The following TRERF1 variants were observed in gnomAD, a reference collection of about 807,000 sequenced individuals.
TRERF1 encodes the protein transcriptional regulating factor 1.
In TRERF1, 27 loss-of-function variants were observed where a neutral mutation model predicts 122.9. The observed-to-expected ratio is 0.22, with a 90% CI of 0.16 to 0.30. The LOEUF (loss-of-function observed/expected upper bound fraction) is 0.30. TRERF1 is among the 10% of genes least tolerant of loss of function. TRERF1 has a pLI of 1.00. For missense variants in TRERF1, 1,248 were observed against 1,560.3 expected, an observed-to-expected ratio of 0.80 and a Z score of 3.37; for synonymous variants, 636 against 641.7, an observed-to-expected ratio of 0.99 and a Z score of 0.13.
rs1425387319 is a variant in TRERF1, at chr6:42,444,178, C to T, written c.-454+6999G>A. Among the ~76,000 whole-genome samples the T allele has an allele frequency of 1.1e-4, 15 of 133,854 alleles. No homozygotes were observed. The South Asian group carries it at 3.7e-3, about 33-fold the overall frequency. 87.8% of individuals were successfully genotyped at this position (133,854 alleles called of 152,430 possible). On this transcript the variant is annotated intron_variant, in intron 2 of 17. Transcript: ENST00000372922. Reference sequence around the variant, plus strand: ...CAACCTAAACAACAGGCAGCCTTTGCTTTTTTTTTTTTTTTGCTTTTTTTT... The same window carrying T: ...CAACCTAAACAACAGGCAGCCTTTGTTTTTTTTTTTTTTTTGCTTTTTTTT...
chr6:42,402,670 G>A (rs4714605), intron 2 of TRERF1, among the ~76,000 whole-genome samples: 127,332 of 152,116 alleles, frequency 0.84, 55,026 homozygotes, highest in Non-Finnish European at 0.95. Context: ...ATCAAGCTAA[G>A]TCTCCCCATG....
chr6:42,293,653 A>G (rs116095374), intron 4 of TRERF1, among the ~76,000 whole-genome samples: 114 of 151,974 alleles, frequency 7.5e-4, no homozygotes, highest in African/African-American at 2.7e-3. Context: ...CCGTGAACAC[A>G]GATTATCTCC....
At chr6:42,304,298 C>CT (rs1249490331) in intron 3 of TRERF1, among the ~76,000 whole-genome samples, 7 of 152,226 alleles carry the variant, frequency 4.6e-5, no homozygotes, top group Non-Finnish European at 1.0e-4. Context: ...CTAGGCTCTG[C>CT]CCCTCACTAG....
intron 2 of TRERF1, among the ~76,000 whole-genome samples, chr6:42,425,359 C>CCA (rs1783463319): frequency 2.0e-5 from 3 of 147,574 alleles, no homozygotes; most frequent in African/African-American, 7.5e-5. Flanking sequence ...CAGCCCCCAA[C>CCA]CAACCCCCTA....
chr6:42,322,967 G>A (rs1763689126), intron 3 of TRERF1, among the ~76,000 whole-genome samples: 1 of 151,974 alleles, frequency 6.6e-6, no homozygotes, highest in African/African-American at 2.4e-5. Flanking sequence ...CAGCAGGGCA[G>A]AGAATGGCAC....
At chr6:42,311,760 C>G (rs1305321337) in intron 3 of TRERF1, among the ~76,000 whole-genome samples, 1 of 124,412 alleles carries the variant, frequency 8.0e-6, no homozygotes, top group African/African-American at 3.2e-5. Context: ...AGCAAGACTC[C>G]GTCTCAAAAA....
chr6:42,332,961 T>C (rs1765495245), intron 3 of TRERF1, among the ~76,000 whole-genome samples: 1 of 152,082 alleles, frequency 6.6e-6, no homozygotes, highest in Non-Finnish European at 1.5e-5. Flanking sequence ...AAAAATTATA[T>C]AGGGAGCTCC....
chr6:42,357,040 C>T (rs1411597872), intron 3 of TRERF1, among the ~76,000 whole-genome samples: 1 of 152,024 alleles, frequency 6.6e-6, no homozygotes, highest in African/African-American at 2.4e-5. Context: ...CAAATTAAGA[C>T]CCAATGTTGG....
intron 2 of TRERF1, among the ~76,000 whole-genome samples, chr6:42,423,516 C>T (rs948236397): frequency 1.3e-5 from 2 of 152,066 alleles, no homozygotes; most frequent in South Asian, 2.1e-4. Flanking sequence ...TGGCTGCAAA[C>T]GCAGCCTTTC....
At position 42,263,305 on chromosome 6, in the gene TRERF1, G is replaced by C. The variant is rs1345166301; in HGVS notation, c.1884+15C>G. ...CCCCTTGGGGTGAGTGTGGGGGAGA[G>C]AGGGTCATCCTCACGAGCACAGGCA... On this transcript the variant is annotated intron_variant, in intron 8 of 17. Transcript: ENST00000372922. The surrounding 1 kb of genome is among the most constrained non-coding windows in gnomAD (Gnocchi z 5.6). The C allele has an allele frequency of 1.2e-6, 2 of 1,604,846 alleles. No individual in the cohort carries two copies. Among genetic ancestry groups the C allele is most frequent in the Admixed American group, 1.7e-5 (1 of 59,234 alleles).
rs908145641 is a variant in TRERF1 at position 42,311,072 on chromosome 6, A to G, written c.-370-10323T>C. Among the ~76,000 whole-genome samples, 6 of 152,242 alleles carry G rather than the reference A, an allele frequency of 3.9e-5. No individual in the cohort carries two copies. The South Asian group carries it at 6.2e-4, about 16-fold the overall frequency. ...TAAATATTTATTGAGCACCTACTAT[A>G]TGTTGGGTACTCTTCTAGTGTTGGA... On this transcript the variant is annotated intron_variant, in intron 3 of 17. Coordinates refer to ENST00000372922, the Ensembl canonical transcript of TRERF1.
chr6:42,371,395 G>C (rs1026294957), intron 2 of TRERF1, among the ~76,000 whole-genome samples: 5 of 152,176 alleles, frequency 3.3e-5, no homozygotes, highest in Non-Finnish European at 4.4e-5. Context: ...GTGTCTAGGA[G>C]GATCTAGGCC....
At chr6:42,271,469 G>C (rs1780204600) in intron 4 of TRERF1, among the ~76,000 whole-genome samples, 1 of 152,032 alleles carries the variant, frequency 6.6e-6, no homozygotes, top group African/African-American at 2.4e-5. Flanking sequence ...TTTATTTCTA[G>C]ACCTGGATGG....
chr6:42,295,866 T>G (rs1447059592), intron 4 of TRERF1, among the ~76,000 whole-genome samples: 6 of 152,214 alleles, frequency 3.9e-5, no homozygotes, highest in Non-Finnish European at 7.3e-5. Flanking sequence ...AAAAGACTTG[T>G]TGCCTGATAG....
chr6:42,443,547 G>A (rs2151796590), intron 2 of TRERF1, among the ~76,000 whole-genome samples: 1 of 152,292 alleles, frequency 6.6e-6, no homozygotes, highest in Admixed American at 6.5e-5. Flanking sequence ...CGGGTTTCTT[G>A]GGGTAGGTTC....
chr6:42,301,945 C>T (rs1786281570), intron 3 of TRERF1, among the ~76,000 whole-genome samples: 1 of 152,228 alleles, frequency 6.6e-6, no homozygotes, highest in Non-Finnish European at 1.5e-5. Context: ...AGGAGAACCA[C>T]AGCAGGAGCT....
At chr6:42,303,904 T>A (rs1258988607) in intron 3 of TRERF1, among the ~76,000 whole-genome samples, 64 of 69,252 alleles carry the variant, frequency 9.2e-4, no homozygotes, top group African/African-American at 1.5e-3. Context: ...CACTGTCTCA[T>A]AAAAAAAAAA....
intron 2 of TRERF1, among the ~76,000 whole-genome samples, chr6:42,399,878 T>G (rs1779147747): frequency 6.6e-6 from 1 of 152,164 alleles, no homozygotes; most frequent in South Asian, 2.1e-4. Context: ...TCCTCTATGG[T>G]GTGGTAGTGA....
intron 2 of TRERF1, among the ~76,000 whole-genome samples, chr6:42,370,879 C>A (rs1773639953): frequency 6.6e-6 from 1 of 152,202 alleles, no homozygotes; most frequent in Admixed American, 6.5e-5. Context: ...ATCCACTATC[C>A]TCTCCTGAGT....
Sources: gnomAD v4.1 joint callset for allele counts (sites outside exome capture counted in the v4.1 genomes callset) on GRCh38, gnomAD v4.1.1 for gene constraint, Gnocchi (gnomAD v3.1) non-coding constraint, MANE v1.5 for transcripts, NCBI Gene and HGNC (gene_info 2026-07-23, HGNC 2026-07-21) for gene names.